Variants in ARID2 observed in about 807,000 individuals in gnomAD.
ARID2 encodes the protein AT-rich interaction domain 2, also known as AT-rich interactive domain-containing protein 2.
A neutral mutation model predicts 184.6 loss-of-function variants in ARID2; 32 were observed. The observed-to-expected ratio is 0.17, with a 90% confidence interval of 0.13 to 0.23. The LOEUF (loss-of-function observed/expected upper bound fraction) is 0.23. Ranked by LOEUF, ARID2 falls within the 10% of genes least tolerant of loss-of-function variation. The pLI, the probability that ARID2 is intolerant of heterozygous loss-of-function variation, is 1.00. For missense variants in ARID2, 1,696 were observed against 2,197.6 expected (o/e 0.77, Z 4.56); for synonymous variants, 836 against 772.6 (o/e 1.08, Z -1.36).
intron 3 of ARID2, among the ~76,000 whole-genome samples, chr12:45,754,802 A>G (rs1941535622): frequency 6.6e-6 from 1 of 152,224 alleles, no homozygotes; most frequent in Non-Finnish European, 1.5e-5. Context: ...CCCTAACATC[A>G]TAACACAATA....
At chr12:45,776,315 T>C (rs556265147) in intron 3 of ARID2, 1 of 152,598 alleles carries the variant, frequency 6.6e-6, no homozygotes, top group South Asian at 2.1e-4. Flanking sequence ...ATAAGTTCAC[T>C]TGATTTTAAT....
At chr12:45,830,408 G>A (rs1943094205) in intron 6 of ARID2, among the ~76,000 whole-genome samples, 1 of 152,096 alleles carries the variant, frequency 6.6e-6, no homozygotes, top group South Asian at 2.1e-4. Context: ...TTGGGGAGTA[G>A]GCCAGTGGTA....
At chr12:45,870,441 T>C (rs1188283216) in intron 16 of ARID2, among the ~76,000 whole-genome samples, 2 of 152,194 alleles carry the variant, frequency 1.3e-5, no homozygotes, top group Non-Finnish European at 2.9e-5. Flanking sequence ...TGAGCCAATA[T>C]TGATACACTA....
intron 3 of ARID2, among the ~76,000 whole-genome samples, chr12:45,774,923 A>G (rs951760767): frequency 6.6e-6 from 1 of 152,186 alleles, no homozygotes; most frequent in East Asian, 1.9e-4. Flanking sequence ...TTTGCTTCAC[A>G]GAGAACATTG....
intron 3 of ARID2, among the ~76,000 whole-genome samples, chr12:45,754,215 G>C (rs758514525): frequency 1.3e-5 from 2 of 152,040 alleles, no homozygotes; most frequent in Non-Finnish European, 2.9e-5. Flanking sequence ...AATAAAAAAA[G>C]AGGGCTGAGT....
chr12:45,867,722 A>G (rs1206199969), intron 16 of ARID2, among the ~76,000 whole-genome samples: 3 of 151,254 alleles, frequency 2.0e-5, no homozygotes, highest in Non-Finnish European at 4.4e-5. Context: ...TAGCCAGGGC[A>G]ACAGAACGAG....
At chr12:45,865,955 A>G (rs1943825603) in intron 16 of ARID2, among the ~76,000 whole-genome samples, 1 of 152,156 alleles carries the variant, frequency 6.6e-6, no homozygotes, top group Non-Finnish European at 1.5e-5. Flanking sequence ...TAGCTTTTAA[A>G]AAATTTAAAT....
Position 45,797,379 on chromosome 12 carries a change from T to C in ARID2, c.285-14039T>C, listed in dbSNP as rs1318401814. ...CCTCCTGAGTAGCTGAGATTACAGG[T>C]GTGCACCACCATGCCCAGCTAATTT... On this transcript the variant is annotated intron_variant, in intron 3 of 20. Transcript: ENST00000334344. Among the ~76,000 whole-genome samples the C allele has an allele frequency of 2.6e-5, 4 of 152,184 alleles. No individual in the cohort carries two copies. In the East Asian group the frequency reaches 7.7e-4, roughly 29 times the overall value.
At chr12:45,898,431 C>T (rs762365535) in intron 20 of ARID2, among the ~76,000 whole-genome samples, 5 of 152,060 alleles carry the variant, frequency 3.3e-5, no homozygotes, top group East Asian at 3.9e-4. Flanking sequence ...TAAAATAGTA[C>T]GTTTTATGTT....
chr12:45,844,812 A>C (rs1943413085), intron 11 of ARID2, among the ~76,000 whole-genome samples: 1 of 152,200 alleles, frequency 6.6e-6, no homozygotes, highest in Admixed American at 6.5e-5. Context: ...TGAGTGATGG[A>C]ATTCTCTGGC....
rs751724311 is a variant in ARID2 at position 45,850,632 on chromosome 12, T to C, written c.2509T>C (p.Ser837Pro). The C allele has an allele frequency of 1.2e-6, 2 of 1,614,122 alleles. No homozygotes were observed. The highest frequency in any genetic ancestry group is 1.7e-6 in the Non-Finnish European group (2 of 1,179,990). The change falls in exon 15 of 21, where the codon TCA becomes CCA. Residue 837 changes from serine to proline, a missense_variant. Transcript: ENST00000334344. ...TGTGCAAACTTCATCTCAACAGACA[T>C]CAGCTGGTAGCCAGTCACAAGATAC... is the stretch of plus-strand genomic sequence containing the variant. ...QPVQTSSQQTSAGSQSQDTVI... is the reference protein window; with the variant it reads ...QPVQTSSQQTPAGSQSQDTVI...
rs564816573 is a variant in ARID2, at chr12:45,851,246, A to G, written c.3123A>G (p.Gln1041=). 20 of 1,614,158 alleles carry G rather than the reference A, an allele frequency of 1.2e-5. No individual in the cohort carries two copies. The East Asian group carries it at 2.9e-4, about 23-fold the overall frequency. Residue 1041 remains glutamine (Q), a synonymous_variant, in exon 15 of 21, where the codon CAA becomes CAG. Coordinates refer to ENST00000334344, the MANE Select transcript of ARID2 (RefSeq NM_152641.4). ...CCCAACAAGTACAGATGCAAGTTCA[A>G]CCTCAACAGTCGAATGCAGGAGTTG... is the stretch of plus-strand genomic sequence containing the variant. The part of the protein sequence containing the change: ...QQPQQVQMQV[Q]PQQSNAGVGQ...
chr12:45,774,455 G>A (rs1391101816), intron 3 of ARID2, among the ~76,000 whole-genome samples: 1 of 152,134 alleles, frequency 6.6e-6, no homozygotes, highest in Non-Finnish European at 1.5e-5. Context: ...TCTCACTTGA[G>A]TATTAGAGAT....
chr12:45,892,197 T>G, intron 18 of ARID2, 101 bp downstream of exon 18: 1 of 1,154,028 alleles, frequency 8.7e-7, no homozygotes, highest in East Asian at 2.6e-5. Context: ...ACCAGAAACC[T>G]GGGTTCTAGT....
intron 3 of ARID2, among the ~76,000 whole-genome samples, chr12:45,786,214 A>C (rs1003045492): frequency 6.6e-6 from 1 of 152,178 alleles, no homozygotes; most frequent in African/African-American, 2.4e-5. Flanking sequence ...CAAAGGTAGT[A>C]AGTCCTTTGA....
At chr12:45,773,976 T>A (rs1254166190) in intron 3 of ARID2, among the ~76,000 whole-genome samples, 1 of 152,104 alleles carries the variant, frequency 6.6e-6, no homozygotes, top group African/African-American at 2.4e-5. Flanking sequence ...GAGATTAAGA[T>A]CCTTGCTTTG....
chr12:45,907,719 T>G lies in ARID2; in HGVS notation c.*2641T>G, dbSNP rs1944548349. 8.6e-6 allele frequency: 2 copies of G among 233,126 alleles called. No homozygotes were observed. Among genetic ancestry groups the G allele is most frequent in the South Asian group, 3.6e-4 (2 of 5,526 alleles). 14.4% of individuals were successfully genotyped at this position (233,126 alleles called of 1,614,324 possible). On this transcript the variant is annotated 3_prime_UTR_variant, in exon 21 of 21. Transcript: ENST00000334344. ...GATTTACAGTATTGTTATTTTTGTCTAAAGTTCTGTAAATACATGCTTTAA... is the reference window on the plus strand; with the variant it reads ...GATTTACAGTATTGTTATTTTTGTCGAAAGTTCTGTAAATACATGCTTTAA...
chr12:45,750,117 A>G (rs1592053521), intron 3 of ARID2, among the ~76,000 whole-genome samples: 1 of 152,304 alleles, frequency 6.6e-6, no homozygotes, highest in African/African-American at 2.4e-5. Context: ...AATCATTTCT[A>G]GCTTTTGATT....
At chr12:45,858,443 C>T (rs1005997630) in intron 15 of ARID2, among the ~76,000 whole-genome samples, 9 of 152,214 alleles carry the variant, frequency 5.9e-5, no homozygotes, top group African/African-American at 1.9e-4. Context: ...TTCTCACCAT[C>T]AGAGTTCTAT....
Sources: allele counts gnomAD v4.1 joint callset (sites outside exome capture counted in the v4.1 genomes callset), GRCh38; gene constraint gnomAD v4.1.1; transcripts MANE v1.5; gene names NCBI Gene and HGNC (gene_info 2026-07-23, HGNC 2026-07-21).